The following COL21A1 variants were observed in gnomAD, a reference collection of about 807,000 sequenced individuals.
The protein encoded by COL21A1 is collagen alpha-1(XXI) chain.
COL21A1 carries 149 observed loss-of-function variants against 137.9 expected under a neutral mutation model. The observed-to-expected ratio is 1.08, with a 90% CI of 0.95 to 1.24. The LOEUF (loss-of-function observed/expected upper bound fraction) is 1.24, where lower values mean the gene tolerates loss of function less well. Among genes scored for constraint, COL21A1 ranks in the 50% most tolerant of loss-of-function variants. The pLI, the probability that COL21A1 is intolerant of heterozygous loss-of-function variation, is 0.00. For synonymous variants in COL21A1, 456 were observed against 391.5 expected (o/e 1.16, Z -1.95); for missense variants, 1,167 against 1,158.4 (o/e 1.01, Z -0.11).
At chr6:56,098,566 A>AAATATATAAAT (rs1769987557) in intron 17 of COL21A1, among the ~76,000 whole-genome samples, 1 of 6,636 alleles carries the variant, frequency 1.5e-4, no homozygotes, top group African/African-American at 6.0e-4. Context: ...TAAATATATA[A>AAATATATAAAT]ATATATATAA....
chr6:56,214,934 G>T (rs1007601821), intron 1 of COL21A1, among the ~76,000 whole-genome samples: 40 of 152,042 alleles, frequency 2.6e-4, no homozygotes, highest in African/African-American at 9.7e-4. Context: ...CAAAGGGCAG[G>T]TTAATATATA....
chr6:56,168,034 TA>T, intron 6 of COL21A1, 89 bp downstream of exon 6: 1 of 918,476 alleles, frequency 1.1e-6, no homozygotes, highest in South Asian at 2.9e-5. Flanking sequence ...ATAAGTATGT[TA>T]AATATGATTA....
At chr6:56,237,215 A>G (rs1041137312) in intron 1 of COL21A1, among the ~76,000 whole-genome samples, 5 of 152,106 alleles carry the variant, frequency 3.3e-5, no homozygotes, top group African/African-American at 9.7e-5. Context: ...CTAAAGAACC[A>G]GGGCTACATG....
rs567410984 is a variant in COL21A1, at chr6:56,194,537, A to G, written c.-38-11881T>C. Among the ~76,000 whole-genome samples, 3 of 152,304 alleles carry G rather than the reference A, an allele frequency of 2.0e-5. No individual in the cohort carries two copies. In the South Asian group the frequency reaches 6.2e-4, roughly 32 times the overall value. On this transcript the variant is annotated intron_variant, in intron 1 of 29. Transcript: ENST00000244728. Reference sequence around the variant, plus strand: ...ATATGCTAACATGCACCAAAGTTTTATAAATTCTAGTATGGGGCAATGCAA... The same window carrying G: ...ATATGCTAACATGCACCAAAGTTTTGTAAATTCTAGTATGGGGCAATGCAA...
At position 56,124,308 on chromosome 6, in the gene COL21A1, A is replaced by T. The variant is rs1772824645; in HGVS notation, c.1651-16T>A. On this transcript the variant is annotated splice_polypyrimidine_tract_variant and intron_variant, in intron 14 of 29. Transcript: ENST00000244728. ...CTTTTGCACCCTGTATCGAAAACAA[A>T]CACTTAAAACACAATCTTTACAATA... 2 of 1,587,062 alleles carry T rather than the reference A, an allele frequency of 1.3e-6. No individual in the cohort carries two copies. Among genetic ancestry groups the T allele is most frequent in the Non-Finnish European group, 1.7e-6 (2 of 1,165,362 alleles).
chr6:56,058,670 C>A (rs1210045741), intron 29 of COL21A1, among the ~76,000 whole-genome samples: 1 of 152,132 alleles, frequency 6.6e-6, no homozygotes, highest in African/African-American at 2.4e-5. Flanking sequence ...TTATTGAAAA[C>A]ATAACTGTGA....
chr6:56,334,042 G>A (rs1765288077), intron 1 of COL21A1, among the ~76,000 whole-genome samples: 1 of 152,270 alleles, frequency 6.6e-6, no homozygotes, highest in South Asian at 2.1e-4. Context: ...ACAGTATGGA[G>A]TTTCAGTAAA....
intron 1 of COL21A1, among the ~76,000 whole-genome samples, chr6:56,268,654 C>T (rs770938667): frequency 6.6e-6 from 1 of 150,956 alleles, no homozygotes; most frequent in Non-Finnish European, 1.5e-5. Flanking sequence ...TCAACTTACA[C>T]CACAGATAAA....
intron 24 of COL21A1, 137 bp from the exon 25 acceptor site, chr6:56,061,818 C>T: frequency 1.8e-6 from 1 of 543,400 alleles, no homozygotes; most frequent in Non-Finnish European, 3.2e-6. Flanking sequence ...GACAGAATTA[C>T]AGACCCTTTT....
chr6:56,291,047 T>C (rs1372002768), intron 1 of COL21A1, among the ~76,000 whole-genome samples: 2 of 151,958 alleles, frequency 1.3e-5, no homozygotes, highest in Non-Finnish European at 2.9e-5. Flanking sequence ...AAATGCAGAA[T>C]CTTGGGCCCC....
chr6:56,284,129 C>T (rs1352779695), intron 1 of COL21A1, among the ~76,000 whole-genome samples: 1 of 152,160 alleles, frequency 6.6e-6, no homozygotes, highest in Non-Finnish European at 1.5e-5. Context: ...TTCGTTGCAA[C>T]CTCCACCTCC....
intron 1 of COL21A1, among the ~76,000 whole-genome samples, chr6:56,383,571 G>A (rs1272475106): frequency 3.9e-5 from 6 of 152,140 alleles, no homozygotes; most frequent in Middle Eastern, 3.4e-3. Context: ...AAACTTTCCC[G>A]GGTTATTCTC....
chr6:56,238,642 T>C (rs1782067362), intron 1 of COL21A1, among the ~76,000 whole-genome samples: 1 of 152,038 alleles, frequency 6.6e-6, no homozygotes, highest in Non-Finnish European at 1.5e-5. Flanking sequence ...AAGCTTCTGA[T>C]AGAGCTGCCA....
Position 56,060,937 on chromosome 6 carries a change from G to A in COL21A1, c.2306C>T (p.Pro769Leu). The A allele has an allele frequency of 6.3e-7, 1 of 1,590,650 alleles. No homozygotes were observed. The highest frequency in any genetic ancestry group is 8.5e-7 in the Non-Finnish European group (1 of 1,172,220). Residue 769 changes from proline to leucine, a missense_variant, in exon 26 of 30, where the codon CCT becomes CTT. Transcript: ENST00000244728. ...GGGTCCCTGAGGACCTGGATCCCCA[G>A]GTTGCCCCTTAGGACCTGCGGGCCC... ...LMGPAGPKGQ[P>L]GDPGPQGPPG...
intron 10 of COL21A1, among the ~76,000 whole-genome samples, chr6:56,149,666 C>G (rs1775129557): frequency 6.6e-6 from 1 of 152,170 alleles, no homozygotes; most frequent in African/African-American, 2.4e-5. Context: ...AATCCATAGT[C>G]TCCTTTGACT....
At chr6:56,320,086 T>A (rs1268198416) in intron 1 of COL21A1, among the ~76,000 whole-genome samples, 1 of 152,046 alleles carries the variant, frequency 6.6e-6, no homozygotes, top group African/African-American at 2.4e-5. Context: ...GCAACACATA[T>A]CTTAAACTGG....
intron 18 of COL21A1, among the ~76,000 whole-genome samples, chr6:56,076,762 A>T (rs1205743145): frequency 6.6e-6 from 1 of 151,492 alleles, no homozygotes; most frequent in Non-Finnish European, 1.5e-5. Flanking sequence ...TAGAAGAAAT[A>T]AAATAAAATG....
rs1400032093 is a variant in COL21A1 at position 56,256,468 on chromosome 6, G to T, written c.-38-73812C>A. ...TTAATTTTTAAAAAAGTTCCCCATG[G>T]ACAGAAAAAAAAATTAATTCGCATC... On this transcript the variant is annotated intron_variant, in intron 1 of 28. Coordinates refer to the COL21A1 transcript ENST00000370819. Among the ~76,000 whole-genome samples, 6 of 151,542 alleles carry T rather than the reference G, an allele frequency of 4.0e-5. No homozygotes were observed. The South Asian group carries it at 1.2e-3, about 32-fold the overall frequency.
At chr6:56,262,849 G>A (rs1763309434) in intron 1 of COL21A1, among the ~76,000 whole-genome samples, 2 of 152,068 alleles carry the variant, frequency 1.3e-5, no homozygotes, top group Non-Finnish European at 1.5e-5. Flanking sequence ...TATTCCCAAG[G>A]GAAGATGTTA....
Sources: gnomAD v4.1 joint callset for allele counts (sites outside exome capture counted in the v4.1 genomes callset) on GRCh38, gnomAD v4.1.1 for gene constraint, MANE v1.5 for transcripts, NCBI Gene and HGNC (gene_info 2026-07-23, HGNC 2026-07-21) for gene names.